The following POLR3G variants were observed in gnomAD, a reference collection of about 807,000 sequenced individuals.
POLR3G encodes the protein RNA polymerase III subunit G.
POLR3G carries 28 observed loss-of-function variants against 30.1 expected under a neutral mutation model. The ratio of observed to expected loss-of-function variants is 0.93; its 90% CI spans 0.69 to 1.27. POLR3G has a LOEUF of 1.27. POLR3G is among the 50% of genes most tolerant of loss of function. POLR3G has a pLI of 0.00. For missense variants in POLR3G, 254 were observed against 264.6 expected, an observed-to-expected ratio of 0.96 and a Z score of 0.28; for synonymous variants, 79 against 82.5, an observed-to-expected ratio of 0.96 and a Z score of 0.23.
At chr5:90,496,626 A>G (rs751800171) in intron 4 of POLR3G, among the ~76,000 whole-genome samples, 1 of 152,230 alleles carries the variant, frequency 6.6e-6, no homozygotes, top group Admixed American at 6.5e-5. Flanking sequence ...TTGTCATAGA[A>G]ATAAAGTGAC....
In POLR3G at chr5:90,512,967, ATGAAG is replaced by A. The variant is rs951935324; in HGVS notation, c.*836_*840del. 11 of 152,106 alleles carry A rather than the reference ATGAAG, an allele frequency of 7.2e-5. No individual in the cohort carries two copies. Among genetic ancestry groups the A allele is most frequent in the South Asian group, 2.1e-4 (1 of 4,796 alleles). 9.4% of individuals were successfully genotyped at this position (152,106 alleles called of 1,614,324 possible). A position where few individuals can be genotyped will look rare whatever the true frequency, so the allele number is the denominator to read the frequency against. On this transcript the variant is annotated 3_prime_UTR_variant, in exon 8 of 8. Coordinates refer to ENST00000651687, the MANE Select transcript of POLR3G (RefSeq NM_006467.3). ...TGTAGAATGCATGTGTGTGAACTCT[ATGAAG>A]TGAAGTGTGGTGGCCTTTTATGTTT...
At chr5:90,495,532 C>T in intron 3 of POLR3G, 145 bp from the exon 4 acceptor site, 1 of 1,370,042 alleles carries the variant, frequency 7.3e-7, no homozygotes, top group Non-Finnish European at 9.6e-7. Context: ...CCCTTTTTCC[C>T]ATTCTCTTAT....
At chr5:90,488,191 A>G in intron 3 of POLR3G, 62 bp downstream of exon 3, 1 of 1,306,084 alleles carries the variant, frequency 7.7e-7, no homozygotes, top group East Asian at 2.7e-5. Context: ...GTGTTTAAGC[A>G]CAAGATATAT....
chr5:90,496,178 C>G (rs150825327), intron 4 of POLR3G, among the ~76,000 whole-genome samples: 1 of 151,730 alleles, frequency 6.6e-6, no homozygotes, highest in Non-Finnish European at 1.5e-5. Context: ...TCACCGTGTT[C>G]GCCAGAATGG....
intron 2 of POLR3G, among the ~76,000 whole-genome samples, chr5:90,487,632 C>A (rs1751512623): frequency 6.6e-6 from 1 of 151,928 alleles, no homozygotes; most frequent in African/African-American, 2.4e-5. Flanking sequence ...ACCTCGTGAT[C>A]CACCTGCCTC....
At chr5:90,482,203 A>C (rs1047154582) in intron 1 of POLR3G, among the ~76,000 whole-genome samples, 1 of 152,238 alleles carries the variant, frequency 6.6e-6, no homozygotes, top group Non-Finnish European at 1.5e-5. Context: ...ACCCAAAGGG[A>C]GGGATTGAAA....
chr5:90,509,645 A>G (rs1218375861), intron 7 of POLR3G, among the ~76,000 whole-genome samples: 2 of 152,240 alleles, frequency 1.3e-5, no homozygotes, highest in Admixed American at 6.5e-5. Context: ...CAAGATAGGA[A>G]CATGGAATGG....
intron 4 of POLR3G, among the ~76,000 whole-genome samples, chr5:90,496,898 C>T (rs535924468): frequency 9.8e-4 from 149 of 152,172 alleles, no homozygotes; most frequent in African/African-American, 3.5e-3. Context: ...CTACATATTC[C>T]GTCATGATCT....
chr5:90,488,277 A>G, intron 3 of POLR3G, 148 bp downstream of exon 3: 2 of 574,830 alleles, frequency 3.5e-6, no homozygotes, highest in Non-Finnish European at 5.3e-6. Flanking sequence ...TGTTGCTTTA[A>G]CAGAAAAAAT....
rs191689721 is a variant in POLR3G at position 90,483,065 on chromosome 5, G to A, written c.-43-2460G>A. Among the ~76,000 whole-genome samples, 677 of 151,324 alleles carry A rather than the reference G, an allele frequency of 4.5e-3. 3 individuals are homozygous for A. Among genetic ancestry groups the A allele is most frequent in the African/African-American group, 0.016 (643 of 41,208 alleles). On this transcript the variant is annotated intron_variant, in intron 1 of 7. Coordinates refer to ENST00000651687, the MANE Select transcript of POLR3G (RefSeq NM_006467.3). ...TGAGGCAGGAGAATTGCTTGAACCC[G>A]GGAGGCGGAGGTTGCAGTCAGCGGA...
chr5:90,474,309 G>A (rs376282829), upstream of POLR3G: 15 of 1,609,446 alleles, frequency 9.3e-6, no homozygotes, highest in South Asian at 1.2e-4. Flanking sequence ...CAGGGGTGCA[G>A]CCAGGCGGGG....
At chr5:90,489,426 C>T (rs974551031) in intron 3 of POLR3G, among the ~76,000 whole-genome samples, 14 of 151,728 alleles carry the variant, frequency 9.2e-5, no homozygotes, top group African/African-American at 1.2e-4. Flanking sequence ...GCACCATGCC[C>T]GGCTAATTTT....
chr5:90,490,542 G>T, intron 3 of POLR3G: 1 of 366,600 alleles, frequency 2.7e-6, no homozygotes. Flanking sequence ...GGGACTACAG[G>T]CGCACACACC....
chr5:90,476,745 C>T (rs1210041171), intron 1 of POLR3G, among the ~76,000 whole-genome samples: 1 of 152,238 alleles, frequency 6.6e-6, no homozygotes, highest in Non-Finnish European at 1.5e-5. Context: ...CTGCATCCCA[C>T]ATCTCACTGG....
intron 7 of POLR3G, among the ~76,000 whole-genome samples, chr5:90,506,950 A>G (rs552437452): frequency 1.3e-4 from 20 of 152,230 alleles, no homozygotes; most frequent in Non-Finnish European, 2.6e-4. Flanking sequence ...AAGGAGATTG[A>G]TCAGATTAGT....
At chr5:90,493,955 C>T (rs1296609166) in intron 3 of POLR3G, among the ~76,000 whole-genome samples, 1 of 151,844 alleles carries the variant, frequency 6.6e-6, no homozygotes, top group Non-Finnish European at 1.5e-5. Context: ...TAGCAATCTA[C>T]CTGCCCCAGC....
chr5:90,505,854 AT>A, intron 6 of POLR3G, among the ~76,000 whole-genome samples: 1 of 152,142 alleles, frequency 6.6e-6, no homozygotes, highest in Non-Finnish European at 1.5e-5. Flanking sequence ...CTATTACCTT[AT>A]TTTTCCCCTT....
intron 4 of POLR3G, among the ~76,000 whole-genome samples, chr5:90,496,200 C>T (rs537397497): frequency 5.3e-5 from 8 of 151,908 alleles, no homozygotes; most frequent in Non-Finnish European, 1.2e-4. Context: ...CTTGATCTGA[C>T]CTCATGATCC....
At chr5:90,474,404 G>C (rs1415087472), upstream of POLR3G, 3 of 1,004,406 alleles carry the variant, frequency 3.0e-6, no homozygotes, top group South Asian at 4.2e-5. Context: ...CAGCCAGGGA[G>C]GAGGCGTAGA....
Sources: allele counts gnomAD v4.1 joint callset (sites outside exome capture counted in the v4.1 genomes callset), GRCh38; gene constraint gnomAD v4.1.1; transcripts MANE v1.5; gene names NCBI Gene and HGNC (gene_info 2026-07-23, HGNC 2026-07-21).